The following GCSH variants were observed in gnomAD, a reference collection of about 807,000 sequenced individuals.
GCSH encodes glycine cleavage system H protein, mitochondrial.
A neutral mutation model predicts 21.3 loss-of-function variants in GCSH; 15 were observed. The ratio of observed to expected loss-of-function variants is 0.70; its 90% CI spans 0.47 to 1.08. The LOEUF (loss-of-function observed/expected upper bound fraction) is 1.08. Ranked by LOEUF, GCSH falls within the 50% of genes least tolerant of loss-of-function variation. The pLI, the probability that GCSH is intolerant of heterozygous loss-of-function variation, is 0.00. For missense variants in GCSH, 179 were observed against 217.5 expected, an observed-to-expected ratio of 0.82 and a Z score of 1.11; for synonymous variants, 59 against 84.5, an observed-to-expected ratio of 0.70 and a Z score of 1.66.
At chr16:81,095,438 A>T (rs2151775290) in intron 1 of GCSH, among the ~76,000 whole-genome samples, 1 of 147,752 alleles carries the variant, frequency 6.8e-6, no homozygotes, top group Admixed American at 6.8e-5. Context: ...GCTGGAGTGC[A>T]GTGGCGCGAT....
intron 3 of GCSH, among the ~76,000 whole-genome samples, chr16:81,085,230 G>T (rs961697289): frequency 1.3e-5 from 2 of 151,470 alleles, no homozygotes; most frequent in African/African-American, 2.4e-5. Context: ...GGCCAAGCTG[G>T]TCTTGAACTC....
intron 2 of GCSH, among the ~76,000 whole-genome samples, chr16:81,090,037 C>G (rs1465788846): frequency 6.6e-6 from 1 of 152,082 alleles, no homozygotes; most frequent in Non-Finnish European, 1.5e-5. Context: ...ACATAATGCC[C>G]TAACTAAATT....
Position 81,082,050 on chromosome 16 carries a change from A to G in GCSH, c.*816T>C, listed in dbSNP as rs1279572856. ...AAAAACACCATGTGCTATACTGATC[A>G]AAACTTCCACCTTCCTCTGTCTTTC... On this transcript the variant is annotated 3_prime_UTR_variant, in exon 5 of 5. Coordinates refer to ENST00000315467, the MANE Select transcript of GCSH (RefSeq NM_004483.5). 3 of 454,158 alleles carry G rather than the reference A, an allele frequency of 6.6e-6. No homozygotes were observed. The highest frequency in any genetic ancestry group is 4.7e-5 in the South Asian group (3 of 64,480). The allele number at this position is 454,158 out of a possible 1,614,324, so 28.1% of individuals were successfully genotyped here. A position where few individuals can be genotyped will look rare whatever the true frequency, so the allele number is the denominator to read the frequency against.
chr16:81,091,141 C>T, intron 1 of GCSH: 1 of 449,064 alleles, frequency 2.2e-6, no homozygotes, highest in South Asian at 1.6e-5. Context: ...AATCAGGTGC[C>T]TCTTTAGGCA....
At chr16:81,094,891 G>A (rs569556042) in intron 1 of GCSH, among the ~76,000 whole-genome samples, 1 of 152,218 alleles carries the variant, frequency 6.6e-6, no homozygotes, top group Admixed American at 6.6e-5. Flanking sequence ...GAGGTCAGGA[G>A]TTTGAGACCA....
intron 2 of GCSH, among the ~76,000 whole-genome samples, chr16:81,089,088 T>C (rs1285466170): frequency 6.6e-6 from 1 of 152,194 alleles, no homozygotes; most frequent in East Asian, 1.9e-4. Flanking sequence ...CACACAAGCA[T>C]CTTACATGTC....
chr16:81,084,138 G>A (rs1972223758), intron 4 of GCSH: 2 of 441,676 alleles, frequency 4.5e-6, no homozygotes, highest in Middle Eastern at 6.3e-4. Flanking sequence ...TTCCACCACA[G>A]CCAGCTAATT....
rs375928222 is a variant in GCSH, at chr16:81,090,593, T to G, written c.228+8A>C. On this transcript the variant is annotated splice_region_variant and intron_variant, in intron 2 of 4. Transcript: ENST00000315467. ...CACTGGGACAAATATTTCAATATAA[T>G]CCAATACCTGTGCAAAATTGCTGAT... 15 of 1,552,380 alleles carry G rather than the reference T, an allele frequency of 9.7e-6. No homozygotes were observed. The African/African-American group carries it at 2.0e-4, about 21-fold the overall frequency.
chr16:81,088,135 A>C (rs1287999419), intron 2 of GCSH, among the ~76,000 whole-genome samples: 1 of 152,012 alleles, frequency 6.6e-6, no homozygotes, highest in Non-Finnish European at 1.5e-5. Context: ...CAAGAATAAA[A>C]ATAAATGGCT....
rs887888323 is a variant in GCSH, at chr16:81,096,305, G to T, written c.-27C>A. 24 of 1,354,178 alleles carry T rather than the reference G, an allele frequency of 1.8e-5. No homozygotes were observed. The African/African-American group carries it at 3.5e-4, about 20-fold the overall frequency. 83.9% of individuals were successfully genotyped at this position (1,354,178 alleles called of 1,614,324 possible). A position where few individuals can be genotyped will look rare whatever the true frequency, so the allele number is the denominator to read the frequency against. On this transcript the variant is annotated 5_prime_UTR_variant, in exon 1 of 5. Transcript: ENST00000315467. ...TTCGCAGGGGTGCGGGGGTCGCAGC[G>T]CTACGCCTCGGCCACCCGCGCCGGG...
chr16:81,087,693 C>A, intron 2 of GCSH, 29 bp from the exon 3 acceptor site: 2 of 1,525,998 alleles, frequency 1.3e-6, no homozygotes, highest in Middle Eastern at 1.7e-4. Flanking sequence ...AACCAAAAAT[C>A]TCTAAGAAGT....
Position 81,087,197 on chromosome 16 carries a change from A to G in GCSH, c.292+404T>C, listed in dbSNP as rs556070943. Among the ~76,000 whole-genome samples the G allele has an allele frequency of 3.4e-4, 51 of 152,026 alleles. No homozygotes were observed. The South Asian group carries it at 0.01, about 30-fold the overall frequency. ...TCTCCTGTCTCAGCCTCTGAGTAGC[A>G]ATTACTTTTACACCAACCTAATACT... On this transcript the variant is annotated intron_variant, in intron 3 of 4. Transcript: ENST00000315467.
intron 2 of GCSH, 105 bp from the exon 3 acceptor site, chr16:81,087,769 A>G: frequency 1.3e-6 from 1 of 790,026 alleles, no homozygotes; most frequent in Non-Finnish European, 2.2e-6. Flanking sequence ...AAGATTTAGT[A>G]TATATTTTAT....
chr16:81,091,758 C>A (rs74593194), intron 1 of GCSH, among the ~76,000 whole-genome samples: 4,667 of 152,108 alleles, frequency 0.031, 191 homozygotes, highest in African/African-American at 0.1. Flanking sequence ...ATACGCAGCA[C>A]AACGTAAGTA....
chr16:81,085,496 T>C (rs897594124), intron 3 of GCSH, among the ~76,000 whole-genome samples: 1 of 152,190 alleles, frequency 6.6e-6, no homozygotes, highest in African/African-American at 2.4e-5. Flanking sequence ...TCTTGCAACT[T>C]AGCTGTGGCT....
chr16:81,084,457 G>C lies in GCSH; in HGVS notation c.424+6C>G, dbSNP rs769104700. 27 of 1,606,874 alleles carry C rather than the reference G, an allele frequency of 1.7e-5. No homozygotes were observed. The highest frequency in any genetic ancestry group is 2.2e-5 in the Non-Finnish European group (26 of 1,173,596). On this transcript the variant is annotated splice_donor_region_variant and intron_variant, in intron 4 of 4. Coordinates refer to ENST00000315467, the MANE Select transcript of GCSH (RefSeq NM_004483.5). ...ATTCCTTGAGAAATTTCTAGCAACA[G>C]CTTACCATCTTCATAACAAGATTTG...
chr16:81,089,195 G>C (rs1972343710), intron 2 of GCSH, among the ~76,000 whole-genome samples: 1 of 152,276 alleles, frequency 6.6e-6, no homozygotes, highest in Non-Finnish European at 1.5e-5. Context: ...AATATAGTTA[G>C]TATCACTTGT....
At chr16:81,093,734 T>G (rs11150339) in intron 1 of GCSH, among the ~76,000 whole-genome samples, 145,025 of 151,956 alleles carry the variant, frequency 0.95, 69,545 homozygotes, top group East Asian at 1. Context: ...CCAGCTACCC[T>G]GGAGGCTGAG....
intron 1 of GCSH, among the ~76,000 whole-genome samples, chr16:81,092,202 T>C (rs1972411465): frequency 6.6e-6 from 1 of 151,920 alleles, no homozygotes; most frequent in Admixed American, 6.6e-5. Flanking sequence ...TCTAACCAAG[T>C]CTAGGTTCTT....
Sources: gnomAD v4.1 joint callset for allele counts (sites outside exome capture counted in the v4.1 genomes callset) on GRCh38, gnomAD v4.1.1 for gene constraint, MANE v1.5 for transcripts, NCBI Gene and HGNC (gene_info 2026-07-23, HGNC 2026-07-21) for gene names.